TNN: variants seen among roughly 807,000 people sequenced by gnomAD.
TNN encodes the protein tenascin N.
TNN carries 122 observed loss-of-function variants against 134.4 expected under a neutral mutation model. The observed-to-expected ratio is 0.91, with a 90% CI of 0.78 to 1.06. TNN has a LOEUF of 1.06. TNN is among the 50% of genes least tolerant of loss of function. TNN has a pLI of 0.00. For missense variants in TNN, 1,739 were observed against 1,699.4 expected, an observed-to-expected ratio of 1.02 and a Z score of -0.41; for synonymous variants, 710 against 670.3, an observed-to-expected ratio of 1.06 and a Z score of -0.91.
At chr1:175,093,829 C>G (rs375876862) in intron 6 of TNN, among the ~76,000 whole-genome samples, 161 bp from the exon 7 acceptor site, 4 of 152,282 alleles carry the variant, frequency 2.6e-5, no homozygotes, top group East Asian at 1.9e-4. Flanking sequence ...AGGGTTCAAG[C>G]AGAAGCCAGT....
chr1:175,109,728 A>G (rs1350078915), intron 9 of TNN, among the ~76,000 whole-genome samples: 1 of 150,258 alleles, frequency 6.7e-6, no homozygotes, highest in African/African-American at 2.4e-5. Flanking sequence ...ATACATATAT[A>G]TATATCAAAA....
chr1:175,082,420 C>CT (rs758506985), intron 4 of TNN, among the ~76,000 whole-genome samples: 2 of 152,184 alleles, frequency 1.3e-5, no homozygotes, highest in Non-Finnish European at 2.9e-5. Context: ...TAAGTCCTTG[C>CT]TTTTTCATTT....
rs180775645 is a variant in TNN, at chr1:175,106,073, G to A, written c.2119+7478G>A. Among the ~76,000 whole-genome samples the A allele has an allele frequency of 3.0e-3, 432 of 145,474 alleles. 40 individuals carry two copies. Among genetic ancestry groups the A allele is most frequent in the African/African-American group, 0.01 (418 of 40,496 alleles). ...TAGTGGTCCTTACTGACGCATTCTC[G>A]AAAACCTGCACCCTTGCCTGTCCTC... On this transcript the variant is annotated intron_variant, in intron 9 of 18. Coordinates refer to ENST00000239462, the MANE Select transcript of TNN (RefSeq NM_022093.2).
At chr1:175,093,320 G>A (rs1015253416) in intron 6 of TNN, among the ~76,000 whole-genome samples, 2 of 152,212 alleles carry the variant, frequency 1.3e-5, no homozygotes, top group South Asian at 4.1e-4. Flanking sequence ...ATGTTCTTGG[G>A]AAGCACAGTC....
chr1:175,076,042 A>T (rs934474931), intron 1 of TNN, among the ~76,000 whole-genome samples: 5 of 152,248 alleles, frequency 3.3e-5, no homozygotes, highest in African/African-American at 1.2e-4. Flanking sequence ...ATGCAAGCCC[A>T]ACTGGGATGT....
At chr1:175,080,460 G>T in intron 4 of TNN, 34 bp downstream of exon 4, 1 of 1,610,352 alleles carries the variant, frequency 6.2e-7, no homozygotes, top group Non-Finnish European at 8.5e-7. Context: ...AGGGTTCCCA[G>T]GAGAGGCCCC....
At position 175,097,462 on chromosome 1, in the gene TNN, A is replaced by G. The variant is rs1488928562; in HGVS notation, c.1634A>G (p.Asn545Ser). The G allele has an allele frequency of 6.8e-6, 11 of 1,614,136 alleles. No homozygotes were observed. Among genetic ancestry groups the G allele is most frequent in the Non-Finnish European group, 9.3e-6 (11 of 1,180,060 alleles). ...ANLVTDRVTE[N>S]TATISWDPVQ... Reference sequence around the variant, plus strand: ...CTGGTGACTGACCGGGTGACTGAGAATACCGCCACCATCTCCTGGGACCCG... The same window carrying G: ...CTGGTGACTGACCGGGTGACTGAGAGTACCGCCACCATCTCCTGGGACCCG... Residue 545 changes from asparagine (N) to serine (S), a missense_variant, in exon 8 of 19, where the codon AAT becomes AGT. Transcript: ENST00000239462.
intron 17 of TNN, among the ~76,000 whole-genome samples, chr1:175,137,846 T>G (rs1486783395): frequency 1.3e-5 from 2 of 152,212 alleles, no homozygotes; most frequent in Non-Finnish European, 2.9e-5. Flanking sequence ...GACATGGCGG[T>G]CTCTCTCCTT....
At chr1:175,123,805 T>C in intron 12 of TNN, 142 bp downstream of exon 12, 1 of 1,258,116 alleles carries the variant, frequency 7.9e-7, no homozygotes, top group South Asian at 1.5e-5. Flanking sequence ...TTTACGTCTT[T>C]GAGCTAATTA....
At chr1:175,084,520 T>C (rs554398268) in intron 5 of TNN, among the ~76,000 whole-genome samples, 2 of 152,320 alleles carry the variant, frequency 1.3e-5, no homozygotes, top group East Asian at 3.9e-4. Flanking sequence ...GTCTGTACAA[T>C]TCCAGGGCTC....
intron 10 of TNN, among the ~76,000 whole-genome samples, 181 bp from the exon 11 acceptor site, chr1:175,118,380 G>A (rs1257310440): frequency 6.6e-6 from 1 of 152,110 alleles, no homozygotes; most frequent in Non-Finnish European, 1.5e-5. Context: ...TTCTACTTGA[G>A]GAGCCAGGTA....
rs1674189470 is a variant in TNN, at chr1:175,081,066, T to TC, written c.1048+641dup. On this transcript the variant is annotated intron_variant, in intron 4 of 18. Transcript: ENST00000239462. ...TCCACCGTGTCTCCAAAGAATTCTG[T>TC]CTCCTGCCCTCTGATCTGCTGGTGA... Among the ~76,000 whole-genome samples the TC allele has an allele frequency of 3.9e-5, 6 of 152,258 alleles. No homozygotes were observed. In the South Asian group the frequency reaches 1.2e-3, roughly 32 times the overall value.
chr1:175,098,275 A>C, intron 8 of TNN, 57 bp from the exon 9 acceptor site: 1 of 1,609,970 alleles, frequency 6.2e-7, no homozygotes, highest in Non-Finnish European at 8.5e-7. Flanking sequence ...AGATGGGGGT[A>C]AGGATATGTC....
At position 175,097,678 on chromosome 1, in the gene TNN, C is replaced by T. The variant is rs375504663; in HGVS notation, c.1850C>T (p.Pro617Leu). Residue 617 changes from proline (P) to leucine (L), a missense_variant, in exon 8 of 19, where the codon CCG (proline) becomes CTG (leucine). Coordinates refer to ENST00000239462, the MANE Select transcript of TNN (RefSeq NM_022093.2). ...RESKKADTNA[P>L]TDIDSPKNLV... ...AGCAAGAAGGCTGACACCAACGCCC[C>T]GACAGGTAACAAAAGAGAGATGGTC... The T allele has an allele frequency of 1.7e-5, 28 of 1,613,492 alleles. No homozygotes were observed. The highest frequency in any genetic ancestry group is 8.9e-5 in the East Asian group (4 of 44,880).
Position 175,085,664 on chromosome 1 carries a change from C to T in TNN, c.1324+170C>T, listed in dbSNP as rs188279062. On this transcript the variant is annotated intron_variant, in intron 6 of 18. Coordinates refer to ENST00000239462, the MANE Select transcript of TNN (RefSeq NM_022093.2). ...CCAAGGCAGGCGGATCACCTGATGT[C>T]GGGAGTTCGAGACCAGCCTGACCAA... is the stretch of plus-strand genomic sequence containing the variant. Among the ~76,000 whole-genome samples, 14 of 152,194 alleles carry T rather than the reference C, an allele frequency of 9.2e-5. No individual in the cohort carries two copies. The East Asian group carries it at 1.7e-3, about 19-fold the overall frequency.
intron 6 of TNN, among the ~76,000 whole-genome samples, chr1:175,092,661 A>C (rs545627811): frequency 1.3e-5 from 2 of 152,204 alleles, no homozygotes; most frequent in Non-Finnish European, 2.9e-5. Context: ...AATGAGTTCA[A>C]ATCTTGGCTC....
At position 175,118,761 on chromosome 1, in the gene TNN, G is replaced by A; in HGVS notation, c.2587G>A (p.Val863Met). ...CCTGAGGCCGGGCATGGAGTACACG[G>A]TGCACGTGTGGGCCCAGAAGGGGAA... is the stretch of plus-strand genomic sequence containing the variant. ...TGLRPGMEYT[V>M]HVWAQKGNQE... The change falls in exon 11 of 19, where the codon GTG becomes ATG. Residue 863 changes from valine to methionine, a missense_variant. By Grantham distance (21) the Val-to-Met change is conservative (BLOSUM62 1). Coordinates refer to ENST00000239462, the MANE Select transcript of TNN (RefSeq NM_022093.2). 6.2e-7 allele frequency: 1 copy of A among 1,614,232 alleles called. No homozygotes were observed. The highest frequency in any genetic ancestry group is 2.2e-5 in the East Asian group (1 of 44,882).
At chr1:175,117,706 G>C (rs1394119428) in intron 10 of TNN, among the ~76,000 whole-genome samples, 2 of 152,106 alleles carry the variant, frequency 1.3e-5, no homozygotes, top group African/African-American at 4.8e-5. Flanking sequence ...ACATGGTGTA[G>C]GTATAGAGAA....
At chr1:175,080,534 C>T (rs1054266719) in intron 4 of TNN, 108 bp downstream of exon 4, 4 of 1,275,134 alleles carry the variant, frequency 3.1e-6, no homozygotes, top group African/African-American at 1.5e-5. Flanking sequence ...GTTTGAAAAA[C>T]ACACCTGCCA....
Sources: gnomAD v4.1 joint callset for allele counts (sites outside exome capture counted in the v4.1 genomes callset) on GRCh38, gnomAD v4.1.1 for gene constraint, MANE v1.5 for transcripts, NCBI Gene and HGNC (gene_info 2026-07-23, HGNC 2026-07-21) for gene names.